Variants in PGM2L1 observed in about 807,000 individuals in gnomAD.
PGM2L1 encodes glucose 1,6-bisphosphate synthase.
Under a neutral mutation model 73.4 loss-of-function variants are expected in PGM2L1, and 35 were observed. The observed-to-expected ratio is 0.48, with a 90% CI of 0.36 to 0.63. PGM2L1 has a LOEUF of 0.63. Ranked by LOEUF, PGM2L1 falls within the 30% of genes least tolerant of loss-of-function variation. PGM2L1 has a pLI of 0.00. For synonymous variants in PGM2L1, 225 were observed against 253.8 expected (o/e 0.89, Z 1.08); for missense variants, 570 against 742.0 (o/e 0.77, Z 2.69).
At chr11:74,368,193 G>A (rs1862692048) in intron 5 of PGM2L1, among the ~76,000 whole-genome samples, 1 of 152,198 alleles carries the variant, frequency 6.6e-6, no homozygotes, top group South Asian at 2.1e-4. Context: ...CATTTTTCAA[G>A]TACTTGCTGC....
At chr11:74,385,321 G>T (rs1310911290) in intron 1 of PGM2L1, among the ~76,000 whole-genome samples, 1 of 152,056 alleles carries the variant, frequency 6.6e-6, no homozygotes, top group African/African-American at 2.4e-5. Context: ...TGTATTTTGT[G>T]TATGTGCTCT....
chr11:74,371,650 A>G, intron 3 of PGM2L1, 61 bp downstream of exon 3: 1 of 1,451,612 alleles, frequency 6.9e-7, no homozygotes, highest in African/African-American at 1.4e-5. Flanking sequence ...CTAGACAAAA[A>G]AATGTTTTAA....
rs1863046051 is a variant in PGM2L1 at position 74,388,421 on chromosome 11, C to T, written c.111+9630G>A. On this transcript the variant is annotated intron_variant, in intron 1 of 13. Transcript: ENST00000298198. Reference sequence around the variant, plus strand: ...GGAGGTCCTTTTAATACATATAGAGCCATGCTATTCTTTTCACTCCAGAGT... The same window carrying T: ...GGAGGTCCTTTTAATACATATAGAGTCATGCTATTCTTTTCACTCCAGAGT... 2.6e-5 allele frequency among the ~76,000 whole-genome samples: 4 copies of T among 152,006 alleles called. No individual in the cohort carries two copies. The East Asian group carries it at 7.7e-4, about 29-fold the overall frequency.
Position 74,351,595 on chromosome 11 carries a change from T to C in PGM2L1, c.556-19A>G. On this transcript the variant is annotated intron_variant, in intron 5 of 13. Coordinates refer to ENST00000298198, the MANE Select transcript of PGM2L1 (RefSeq NM_173582.6). Reference sequence around the variant, plus strand: ...AGTAAACCTAGATGATAAGTAAATATAACCATAATTACTTAAAATGCTTGC... The same window carrying C: ...AGTAAACCTAGATGATAAGTAAATACAACCATAATTACTTAAAATGCTTGC... 2 of 1,554,662 alleles carry C rather than the reference T, an allele frequency of 1.3e-6. No homozygotes were observed. The highest frequency in any genetic ancestry group is 1.4e-5 in the African/African-American group (1 of 72,374).
Position 74,332,041 on chromosome 11 carries a change from C to G in PGM2L1, c.*4611G>C, listed in dbSNP as rs1392071703. The G allele has an allele frequency of 6.6e-6, 1 of 152,192 alleles. No homozygotes were observed. The highest frequency in any genetic ancestry group is 1.5e-5 in the Non-Finnish European group (1 of 68,038). 9.4% of individuals were successfully genotyped at this position (152,192 alleles called of 1,614,324 possible). On this transcript the variant is annotated 3_prime_UTR_variant, in exon 14 of 14. Transcript: ENST00000298198. Reference sequence around the variant, plus strand: ...ACTTTAAGGTAACCAGTAGTCAACACTAACTTTGTTTCCAACTAGAATTAA... The same window carrying G: ...ACTTTAAGGTAACCAGTAGTCAACAGTAACTTTGTTTCCAACTAGAATTAA...
intron 5 of PGM2L1, among the ~76,000 whole-genome samples, chr11:74,366,290 AACATGGC>A (rs1862656628): frequency 6.6e-6 from 1 of 151,892 alleles, no homozygotes. Context: ...GCAGCACACC[AACATGGC>A]ACATGTATAC....
At chr11:74,362,229 G>C (rs942254230) in intron 5 of PGM2L1, among the ~76,000 whole-genome samples, 126 of 152,206 alleles carry the variant, frequency 8.3e-4, no homozygotes, top group Non-Finnish European at 1.1e-3. Flanking sequence ...CCAGAAGAGA[G>C]TGGGGGCCAA....
At chr11:74,370,515 T>C (rs1418676620) in intron 4 of PGM2L1, among the ~76,000 whole-genome samples, 1 of 152,202 alleles carries the variant, frequency 6.6e-6, no homozygotes, top group Non-Finnish European at 1.5e-5. Flanking sequence ...GTGATTCTGC[T>C]TAATAATAAT....
At chr11:74,376,518 CAGTATGTATATATGTATATATGT>C (rs1862856067) in intron 1 of PGM2L1, among the ~76,000 whole-genome samples, 1 of 149,916 alleles carries the variant, frequency 6.7e-6, no homozygotes, top group Non-Finnish European at 1.5e-5. Context: ...TGTATATATA[CAGTATGTATATATGTATATATGT>C]AGTATGTATA....
At position 74,347,290 on chromosome 11, in the gene PGM2L1, T is replaced by C; in HGVS notation, c.797A>G (p.His266Arg). 6.2e-7 allele frequency: 1 copy of C among 1,608,554 alleles called. No individual in the cohort carries two copies. The highest frequency in any genetic ancestry group is 8.5e-7 in the Non-Finnish European group (1 of 1,177,498). The change falls in exon 7 of 14, where the codon CAT becomes CGT. Residue 266 changes from histidine to arginine, a missense_variant. By Grantham distance (29) the His-to-Arg change is conservative. Transcript: ENST00000298198. ...TTLKFVHTSF[H>R]GVGHDYVQLA... ...CTGCACATAGTCATGTCCGACCCCA[T>C]GAAAAGATGTGTGCACAAATTTCAA...
chr11:74,366,337 T>TG, intron 5 of PGM2L1, among the ~76,000 whole-genome samples: 1 of 148,316 alleles, frequency 6.7e-6, no homozygotes, highest in Non-Finnish European at 1.5e-5. Flanking sequence ...GTTGTGCACA[T>TG]GTACCCTAGA....
chr11:74,379,365 C>G (rs577317843), intron 1 of PGM2L1, among the ~76,000 whole-genome samples: 31 of 152,210 alleles, frequency 2.0e-4, no homozygotes, highest in African/African-American at 7.0e-4. Context: ...ACGCCTCCCA[C>G]CAGGACCCAC....
chr11:74,368,670 T>TATA, intron 4 of PGM2L1, 95 bp from the exon 5 acceptor site: 1 of 916,364 alleles, frequency 1.1e-6, no homozygotes, highest in Middle Eastern at 2.2e-4. Context: ...GGAAAAGCAT[T>TATA]ATAGTATGAT....
chr11:74,380,853 C>CT (rs1862932470), intron 1 of PGM2L1, among the ~76,000 whole-genome samples: 1 of 152,082 alleles, frequency 6.6e-6, no homozygotes, highest in Admixed American at 6.6e-5. Context: ...ACACATCATA[C>CT]TTTTCTTGAC....
rs941354714 is a variant in PGM2L1 at position 74,350,004 on chromosome 11, G to A, written c.749+1379C>T. On this transcript the variant is annotated intron_variant, in intron 6 of 13. Transcript: ENST00000298198. ...GTCACTTGAAATAATTCTTCTCTGT[G>A]TAATTATGCCTTCAGCTTGATAAAT... Among the ~76,000 whole-genome samples the A allele has an allele frequency of 2.0e-5, 3 of 152,030 alleles. 1 individual carries two copies. The highest frequency in any genetic ancestry group is 4.1e-4 in the South Asian group (2 of 4,828).
chr11:74,343,381 C>T lies in PGM2L1; in HGVS notation c.1254G>A (p.Arg418=). The T allele has an allele frequency of 6.2e-7, 1 of 1,611,688 alleles. No individual in the cohort carries two copies. The highest frequency in any genetic ancestry group is 8.5e-7 in the Non-Finnish European group (1 of 1,179,332). ...TLPGFKWIGS[R]IIDLLENGKE... ...TCCCATTTTCCAGGAGGTCTATTAT[C>T]CTACTTCCAATCCATTTAAAACCTG... is the stretch of plus-strand genomic sequence containing the variant. The change falls in exon 10 of 14, where the codon AGG becomes AGA. Residue 418 remains arginine, a synonymous_variant. Coordinates refer to ENST00000298198, the MANE Select transcript of PGM2L1 (RefSeq NM_173582.6).
intron 9 of PGM2L1, among the ~76,000 whole-genome samples, chr11:74,343,810 G>A (rs1030723409): frequency 6.2e-5 from 7 of 112,358 alleles, no homozygotes; most frequent in East Asian, 5.6e-4. Flanking sequence ...ACGGAGTCTC[G>A]CTCTGTCACC....
intron 5 of PGM2L1, among the ~76,000 whole-genome samples, chr11:74,351,839 G>A (rs994419249): frequency 6.6e-6 from 1 of 151,976 alleles, no homozygotes; most frequent in African/African-American, 2.4e-5. Flanking sequence ...GCAGGCGCCT[G>A]TAGTCCCAGC....
At chr11:74,369,591 G>A (rs543823388) in intron 4 of PGM2L1, among the ~76,000 whole-genome samples, 2 of 152,236 alleles carry the variant, frequency 1.3e-5, no homozygotes, top group African/African-American at 4.8e-5. Flanking sequence ...GATATTTCAC[G>A]ACATTGAAAT....
Sources: allele counts gnomAD v4.1 joint callset (sites outside exome capture counted in the v4.1 genomes callset), GRCh38; gene constraint gnomAD v4.1.1; transcripts MANE v1.5; gene names NCBI Gene and HGNC (gene_info 2026-07-23, HGNC 2026-07-21).